The following FRMD5 variants were observed in gnomAD, a reference collection of about 807,000 sequenced individuals.
FRMD5 encodes the protein FERM domain-containing protein 5.
In FRMD5, 20 loss-of-function variants were observed where a neutral mutation model predicts 69.0. The ratio of observed to expected loss-of-function variants is 0.29; its 90% CI spans 0.20 to 0.42. FRMD5 has a LOEUF of 0.42. Among genes scored for constraint, FRMD5 ranks in the 10% least tolerant of loss-of-function variants. The pLI, the probability that FRMD5 is intolerant of heterozygous loss-of-function variation, is 1.00. For missense variants in FRMD5, 595 were observed against 708.6 expected (o/e 0.84, Z 1.82); for synonymous variants, 271 against 260.1 (o/e 1.04, Z -0.40).
chr15:43,953,886 G>A (rs2090075324), intron 1 of FRMD5, among the ~76,000 whole-genome samples: 1 of 152,202 alleles, frequency 6.6e-6, no homozygotes, highest in Non-Finnish European at 1.5e-5. Flanking sequence ...CCAGTAGGAT[G>A]GGTATTCTTC....
At position 43,873,453 on chromosome 15, in the gene FRMD5, C is replaced by T; in HGVS notation, c.*432G>A. 1 of 1,429,190 alleles carries T rather than the reference C, an allele frequency of 7.0e-7. No homozygotes were observed. The highest frequency in any genetic ancestry group is 9.1e-7 in the Non-Finnish European group (1 of 1,101,822). The allele number at this position is 1,429,190 out of a possible 1,614,324, so 88.5% of individuals were successfully genotyped here. ...CCAGTGGCACCAGCAGGAAAAGCTC[C>T]TGCAGAATACAGAGGACAGCAGCTC... On this transcript the variant is annotated 3_prime_UTR_variant, in exon 14 of 14. Coordinates refer to ENST00000417257, the MANE Select transcript of FRMD5 (RefSeq NM_032892.5).
chr15:43,991,653 C>CAT (rs912301316), intron 1 of FRMD5, among the ~76,000 whole-genome samples: 1 of 152,210 alleles, frequency 6.6e-6, no homozygotes, highest in African/African-American at 2.4e-5. Flanking sequence ...AATTCTTGAA[C>CAT]ATTAAACTAG....
chr15:44,133,200 G>GA (rs2077129008), intron 1 of FRMD5, among the ~76,000 whole-genome samples: 1 of 149,852 alleles, frequency 6.7e-6, no homozygotes, highest in Non-Finnish European at 1.5e-5. Flanking sequence ...GCGACACTGC[G>GA]AGACTCCGTC....
At chr15:43,879,844 GAGA>G (rs578033337) in intron 13 of FRMD5, 102 of 392,778 alleles carry the variant, frequency 2.6e-4, no homozygotes, top group Admixed American at 1.2e-3. Context: ...GTGTTGCAGG[GAGA>G]AGGTCACCTC....
chr15:43,958,753 A>G (rs1428275662), intron 1 of FRMD5, among the ~76,000 whole-genome samples: 4 of 152,268 alleles, frequency 2.6e-5, no homozygotes, highest in Middle Eastern at 3.4e-3. Context: ...CAGCTGGTAA[A>G]TGCTTTTTAA....
intron 1 of FRMD5, among the ~76,000 whole-genome samples, chr15:44,013,752 G>A (rs757339108): frequency 2.0e-5 from 3 of 151,906 alleles, no homozygotes; most frequent in Non-Finnish European, 4.4e-5. Flanking sequence ...AGTTACCCTC[G>A]ACATTTTCTT....
chr15:43,993,708 G>A (rs896800000), intron 1 of FRMD5, among the ~76,000 whole-genome samples: 17 of 152,014 alleles, frequency 1.1e-4, no homozygotes, highest in Admixed American at 2.0e-4. Context: ...ATTGTGTTGC[G>A]ATCTATCTCT....
At chr15:44,165,273 G>C (rs2077690371) in intron 1 of FRMD5, among the ~76,000 whole-genome samples, 1 of 152,044 alleles carries the variant, frequency 6.6e-6, no homozygotes, top group South Asian at 2.1e-4. Flanking sequence ...ACAAAAATTA[G>C]CTGGGTGTGG....
intron 1 of FRMD5, among the ~76,000 whole-genome samples, chr15:44,170,911 A>C (rs1195218098): frequency 6.6e-6 from 1 of 152,218 alleles, no homozygotes; most frequent in African/African-American, 2.4e-5. Flanking sequence ...TTTATTTTAA[A>C]ATACTTCCAT....
intron 1 of FRMD5, among the ~76,000 whole-genome samples, chr15:44,117,456 A>G (rs1205786715): frequency 6.6e-6 from 1 of 152,210 alleles, no homozygotes. Flanking sequence ...ATGAAAGGGA[A>G]AAAAATCAGA....
At chr15:44,053,355 A>G (rs1171225178) in intron 1 of FRMD5, among the ~76,000 whole-genome samples, 1 of 152,106 alleles carries the variant, frequency 6.6e-6, no homozygotes, top group African/African-American at 2.4e-5. Flanking sequence ...AGTTTTAAGG[A>G]GGGTGGGATG....
At chr15:44,006,311 A>T (rs1890445747) in intron 1 of FRMD5, among the ~76,000 whole-genome samples, 1 of 152,312 alleles carries the variant, frequency 6.6e-6, no homozygotes, top group South Asian at 2.1e-4. Flanking sequence ...CTGCTGCTCA[A>T]AAAGAAAAAA....
At chr15:43,994,542 T>C (rs909009280) in intron 1 of FRMD5, among the ~76,000 whole-genome samples, 2 of 152,240 alleles carry the variant, frequency 1.3e-5, no homozygotes, top group Non-Finnish European at 2.9e-5. Context: ...CTGATTCTCC[T>C]ACCTCAGCCT....
intron 1 of FRMD5, among the ~76,000 whole-genome samples, chr15:44,023,277 G>A (rs1319698498): frequency 1.3e-5 from 2 of 152,146 alleles, no homozygotes; most frequent in Non-Finnish European, 2.9e-5. Context: ...CCCATCTGGA[G>A]GTTGTTACAG....
chr15:44,039,271 TGACA>T (rs1448102753), intron 1 of FRMD5, among the ~76,000 whole-genome samples: 1 of 152,242 alleles, frequency 6.6e-6, no homozygotes, highest in African/African-American at 2.4e-5. Flanking sequence ...TGTCCTTGCC[TGACA>T]GCTCTTAAGA....
chr15:43,875,363 AATATATATATATAT>A (rs749584177), intron 13 of FRMD5, among the ~76,000 whole-genome samples: 2 of 105,348 alleles, frequency 1.9e-5, no homozygotes, highest in Non-Finnish European at 3.5e-5. Flanking sequence ...AAAAAAAAAA[AATATATATATATAT>A]ATATATATAT....
intron 5 of FRMD5, among the ~76,000 whole-genome samples, chr15:43,907,520 G>C (rs1463787046): frequency 1.3e-5 from 2 of 150,240 alleles, no homozygotes; most frequent in African/African-American, 4.9e-5. Context: ...GCACACCCCA[G>C]GCCTAGCTTT....
At chr15:44,067,114 A>G (rs978803646) in intron 1 of FRMD5, among the ~76,000 whole-genome samples, 2 of 152,180 alleles carry the variant, frequency 1.3e-5, no homozygotes, top group African/African-American at 4.8e-5. Flanking sequence ...AGAGTATAAA[A>G]GGGAAAAGAG....
At chr15:44,067,812 G>A (rs1458893245) in intron 1 of FRMD5, among the ~76,000 whole-genome samples, 1 of 152,046 alleles carries the variant, frequency 6.6e-6, no homozygotes, top group African/African-American at 2.4e-5. Context: ...CAGAATGAGA[G>A]AAAATATTTG....
Sources: allele counts gnomAD v4.1 joint callset (sites outside exome capture counted in the v4.1 genomes callset), GRCh38; gene constraint gnomAD v4.1.1; transcripts MANE v1.5; gene names NCBI Gene and HGNC (gene_info 2026-07-23, HGNC 2026-07-21).